Variants in CWC22 observed in about 807,000 individuals in gnomAD.
The protein encoded by CWC22 is CWC22 spliceosome associated protein, also known as pre-mRNA-splicing factor CWC22 homolog.
In CWC22, 53 loss-of-function variants were observed where a neutral mutation model predicts 117.2. The ratio of observed to expected loss-of-function variants is 0.45; its 90% CI spans 0.36 to 0.57. CWC22 has a LOEUF of 0.57. Among genes scored for constraint, CWC22 ranks in the 20% least tolerant of loss-of-function variants. The pLI is 0.00. For synonymous variants in CWC22, 360 were observed against 355.6 expected, an observed-to-expected ratio of 1.01 and a Z score of -0.14; for missense variants, 980 against 1,068.8, an observed-to-expected ratio of 0.92 and a Z score of 1.16.
chr2:179,963,285 A>G (rs75870292), intron 13 of CWC22, among the ~76,000 whole-genome samples: 2,806 of 151,802 alleles, frequency 0.018, 99 homozygotes, highest in African/African-American at 0.064. Context: ...CACCTCTGAG[A>G]AAATATTTCT....
chr2:179,998,601 A>T (rs1687767942), intron 1 of CWC22, among the ~76,000 whole-genome samples: 1 of 152,172 alleles, frequency 6.6e-6, no homozygotes, highest in African/African-American at 2.4e-5. Context: ...ATAAAATGTA[A>T]ACAAGTACAG....
Position 179,945,715 on chromosome 2 carries a change from G to A in CWC22, c.2141C>T (p.Ala714Val), listed in dbSNP as rs1686276378. The A allele has an allele frequency of 6.6e-7, 1 of 1,525,772 alleles. No homozygotes were observed. The allele number at this position is 1,525,772 out of a possible 1,614,324, so 94.5% of individuals were successfully genotyped here. Reference protein sequence around the residue: ...SSISSHSSASANDVRKKGHGK... With the variant: ...SSISSHSSASVNDVRKKGHGK... ...ATGTCCCTTCTTTCTTACATCATTA[G>A]CTGCGTGTGTAAAATAAAAGACAGT... Residue 714 changes from alanine to valine, a missense_variant and splice_region_variant, in exon 20 of 20, where the codon GCT (alanine) becomes GTT (valine). Physicochemically the swap from Ala to Val is moderately conservative, Grantham distance 64. Around this residue, in one of 3 missense-constraint regions of CWC22, gnomAD observed 306 missense variants for 296.8 expected, o/e 1.03. Transcript: ENST00000410053.
At chr2:179,984,717 A>G (rs1235824376) in intron 4 of CWC22, among the ~76,000 whole-genome samples, 1 of 152,108 alleles carries the variant, frequency 6.6e-6, no homozygotes, top group Non-Finnish European at 1.5e-5. Context: ...AACAATGACA[A>G]AGGCAGAAAG....
Position 180,000,406 on chromosome 2 carries a change from T to G in CWC22, c.-114+6461A>C, listed in dbSNP as rs116227566. Among the ~76,000 whole-genome samples, 1,347 of 152,260 alleles carry G rather than the reference T, an allele frequency of 8.8e-3. 21 individuals are homozygous for G. The highest frequency in any genetic ancestry group is 0.01 in the Middle Eastern group (3 of 292). ...ACTTAGCATATACTGACTTGATACT[T>G]AATGTGACTTGATACAGTGCAGAAA... On this transcript the variant is annotated intron_variant, in intron 1 of 19. Transcript: ENST00000410053.
chr2:179,950,755 A>G, intron 18 of CWC22, 23 bp from the exon 19 acceptor site: 1 of 1,606,346 alleles, frequency 6.2e-7, no homozygotes, highest in Non-Finnish European at 8.5e-7. Flanking sequence ...ATAATCTGTT[A>G]GATTCTATTT....
intron 6 of CWC22, among the ~76,000 whole-genome samples, chr2:179,977,562 TG>T (rs1241530774): frequency 1.3e-5 from 2 of 152,088 alleles, no homozygotes; most frequent in Non-Finnish European, 2.9e-5. Context: ...TACCAGAGGC[TG>T]GGGGTTGGGG....
At chr2:179,986,180 G>A (rs1007934861) in intron 4 of CWC22, among the ~76,000 whole-genome samples, 1 of 152,078 alleles carries the variant, frequency 6.6e-6, no homozygotes, top group African/African-American at 2.4e-5. Flanking sequence ...ACAGGAACAG[G>A]TGGGTAACCA....
chr2:179,956,298 T>C (rs1187652453), intron 14 of CWC22, among the ~76,000 whole-genome samples: 1 of 151,766 alleles, frequency 6.6e-6, no homozygotes, highest in Admixed American at 6.6e-5. Context: ...CGCTAGCCAT[T>C]ATGGCTAGTG....
chr2:179,951,732 A>C (rs1288941099), intron 17 of CWC22, among the ~76,000 whole-genome samples: 1 of 152,080 alleles, frequency 6.6e-6, no homozygotes. Flanking sequence ...CAAATAAGTA[A>C]GTATATGAAG....
chr2:179,959,507 A>G lies in CWC22; in HGVS notation c.1398-425T>C, dbSNP rs75665790. Among the ~76,000 whole-genome samples, 8 of 152,286 alleles carry G rather than the reference A, an allele frequency of 5.3e-5. No individual in the cohort carries two copies. In the East Asian group the frequency reaches 1.5e-3, roughly 29 times the overall value. On this transcript the variant is annotated intron_variant, in intron 13 of 19. Coordinates refer to ENST00000410053, the MANE Select transcript of CWC22 (RefSeq NM_020943.3). Reference sequence around the variant, plus strand: ...AAATATAATAAAACCACCTGCAGTCATGCATCGCTTAATGACACGGTTATC... The same window carrying G: ...AAATATAATAAAACCACCTGCAGTCGTGCATCGCTTAATGACACGGTTATC...
At chr2:179,969,989 C>A (rs1453959059) in intron 11 of CWC22, among the ~76,000 whole-genome samples, 1 of 152,094 alleles carries the variant, frequency 6.6e-6, no homozygotes, top group Non-Finnish European at 1.5e-5. Flanking sequence ...AATTACACAT[C>A]AAAACCTGTC....
At chr2:179,990,761 A>G (rs915413871) in intron 2 of CWC22, among the ~76,000 whole-genome samples, 1 of 152,248 alleles carries the variant, frequency 6.6e-6, no homozygotes, top group Non-Finnish European at 1.5e-5. Context: ...CAAGAGGAAG[A>G]GACCAAAAAT....
chr2:179,945,875 C>T (rs540208502), intron 19 of CWC22, among the ~76,000 whole-genome samples, 160 bp from the exon 20 acceptor site: 48 of 152,172 alleles, frequency 3.2e-4, no homozygotes, highest in Non-Finnish European at 4.9e-4. Context: ...AGAGTCTTAC[C>T]AAATGCTTAA....
intron 13 of CWC22, among the ~76,000 whole-genome samples, chr2:179,959,513 C>T (rs1396380713): frequency 3.3e-5 from 5 of 152,076 alleles, no homozygotes; most frequent in Admixed American, 6.5e-5. Context: ...AGTCATGCAT[C>T]GCTTAATGAC....
chr2:179,953,665 G>C (rs1356582440), intron 16 of CWC22, among the ~76,000 whole-genome samples: 1 of 152,078 alleles, frequency 6.6e-6, no homozygotes, highest in Non-Finnish European at 1.5e-5. Context: ...TTTCAATCCA[G>C]TGCACATTTC....
At position 179,973,144 on chromosome 2, in the gene CWC22, C is replaced by G. The variant is rs765679932; in HGVS notation, c.804+49G>C. On this transcript the variant is annotated intron_variant, in intron 8 of 19. Transcript: ENST00000410053. ...GTATCAGTGAAGTGGCATCAACCCT[C>G]TGGTCTAATGCCACTGAATGGGACC... The G allele has an allele frequency of 4.7e-6, 6 of 1,271,412 alleles. No homozygotes were observed. The African/African-American group carries it at 8.8e-5, about 19-fold the overall frequency. 78.8% of individuals were successfully genotyped at this position (1,271,412 alleles called of 1,614,324 possible).
chr2:179,962,059 T>C (rs1334952789), intron 13 of CWC22, among the ~76,000 whole-genome samples: 2 of 152,132 alleles, frequency 1.3e-5, no homozygotes, highest in Non-Finnish European at 2.9e-5. Flanking sequence ...CTCCCACTGA[T>C]GTTACAACTT....
In CWC22 at chr2:179,962,711, A is replaced by C. The variant is rs1431070855; in HGVS notation, c.1397+1836T>G. On this transcript the variant is annotated intron_variant, in intron 13 of 19. Coordinates refer to ENST00000410053, the MANE Select transcript of CWC22 (RefSeq NM_020943.3). Reference sequence around the variant, plus strand: ...TATTTATATCTTTAGGAAATACAGTAATAAAAACAAGGGTCAAATAGCATG... The same window carrying C: ...TATTTATATCTTTAGGAAATACAGTCATAAAAACAAGGGTCAAATAGCATG... Among the ~76,000 whole-genome samples, 6 of 152,238 alleles carry C rather than the reference A, an allele frequency of 3.9e-5. No individual in the cohort carries two copies. In the East Asian group the frequency reaches 7.7e-4, roughly 20 times the overall value.
chr2:179,954,488 T>G, intron 15 of CWC22, 131 bp from the exon 16 acceptor site: 1 of 579,988 alleles, frequency 1.7e-6, no homozygotes, highest in Non-Finnish European at 2.9e-6. Flanking sequence ...TATCACTAAA[T>G]CCTTTTGTGC....
Sources: gnomAD v4.1 joint callset for allele counts (sites outside exome capture counted in the v4.1 genomes callset) on GRCh38, gnomAD v4.1.1 for gene constraint, gnomAD v4.1.1 regional missense constraint, MANE v1.5 for transcripts, NCBI Gene and HGNC (gene_info 2026-07-23, HGNC 2026-07-21) for gene names.